Variants in PCDHA3 observed in about 807,000 individuals in gnomAD.
PCDHA3 encodes the protein protocadherin alpha 3.
Under a neutral mutation model 62.2 loss-of-function variants are expected in PCDHA3, and 41 were observed. That is an observed-to-expected ratio of 0.66 (90% CI 0.51 to 0.86). The LOEUF is 0.86. Among genes scored for constraint, PCDHA3 ranks in the 40% least tolerant of loss-of-function variants. The pLI is 0.00. For synonymous variants in PCDHA3, 640 were observed against 555.4 expected (o/e 1.15, Z -2.14); for missense variants, 1,304 against 1,241.2 (o/e 1.05, Z -0.76).
intron 3 of PCDHA3, among the ~76,000 whole-genome samples, chr5:141,006,194 A>G (rs1455369245): frequency 1.3e-5 from 2 of 149,246 alleles, no homozygotes; most frequent in African/African-American, 2.5e-5. Context: ...TGCTATATGT[A>G]TGTTATGCCT....
chr5:140,967,737 A>G, intron 1 of PCDHA3: 1 of 1,614,170 alleles, frequency 6.2e-7, no homozygotes, highest in Non-Finnish European at 8.5e-7. Flanking sequence ...GGGGGGCTGG[A>G]TTATGAGGAA....
chr5:140,877,914 A>AT (rs2057394520), intron 1 of PCDHA3: 3 of 1,426,804 alleles, frequency 2.1e-6, no homozygotes, highest in Non-Finnish European at 2.8e-6. Flanking sequence ...ACATTCTCTC[A>AT]TTTTTCTTTA....
intron 1 of PCDHA3, chr5:140,842,585 G>T: frequency 6.3e-7 from 1 of 1,596,296 alleles, no homozygotes; most frequent in East Asian, 2.2e-5. Flanking sequence ...GTCGGCCTAT[G>T]AGTTGGTGGT....
chr5:140,949,550 G>A (rs1195934854), intron 1 of PCDHA3, among the ~76,000 whole-genome samples: 11 of 151,608 alleles, frequency 7.3e-5, no homozygotes, highest in Admixed American at 7.2e-4. Flanking sequence ...TTTGTTGCTG[G>A]TCATACTTTT....
Position 141,010,254 on chromosome 5 carries a change from C to T in PCDHA3, c.*317C>T. Reference sequence around the variant, plus strand: ...GCCAGTGAGAGGTTGGACTCTCTGCCCTGTGCTCCGGGGATCCTGTCTTGA... The same window carrying T: ...GCCAGTGAGAGGTTGGACTCTCTGCTCTGTGCTCCGGGGATCCTGTCTTGA... On this transcript the variant is annotated 3_prime_UTR_variant, in exon 4 of 4. Transcript: ENST00000522353. The T allele has an allele frequency of 6.4e-7, 1 of 1,551,810 alleles. No individual in the cohort carries two copies. Among genetic ancestry groups the T allele is most frequent in the Non-Finnish European group, 8.7e-7 (1 of 1,147,018 alleles).
In PCDHA3 at chr5:140,839,005, A is replaced by G. The variant is rs182308106; in HGVS notation, c.2394+35414A>G. On this transcript the variant is annotated intron_variant, in intron 1 of 3. Transcript: ENST00000522353. ...TGTTCCTAATATTCTAATATACTTT[A>G]GTAAATTATTTTAGGATATGTTACT... Among the ~76,000 whole-genome samples, 398 of 152,230 alleles carry G rather than the reference A, an allele frequency of 2.6e-3. 4 individuals are homozygous for G. The highest frequency in any genetic ancestry group is 9.1e-3 in the African/African-American group (377 of 41,530).
At chr5:140,914,038 T>C (rs949307049) in intron 1 of PCDHA3, among the ~76,000 whole-genome samples, 14 of 152,206 alleles carry the variant, frequency 9.2e-5, no homozygotes, top group Non-Finnish European at 1.3e-4. Context: ...GAGAAGAATG[T>C]GTATTCTGCA....
In PCDHA3 at chr5:140,804,351, A is replaced by T. The variant is rs1477716467; in HGVS notation, c.2394+760A>T. 3.3e-5 allele frequency: 5 copies of T among 152,160 alleles called. No homozygotes were observed. The East Asian group carries it at 9.6e-4, about 29-fold the overall frequency. 9.4% of individuals were successfully genotyped at this position (152,160 alleles called of 1,614,324 possible). ...TAATACTACTGTATTATATGTTAAA[A>T]TTTATTACTAATAACTAAAATATCA... is the stretch of plus-strand genomic sequence containing the variant. On this transcript the variant is annotated intron_variant, in intron 1 of 3. Transcript: ENST00000522353.
intron 1 of PCDHA3, among the ~76,000 whole-genome samples, chr5:140,916,342 T>C (rs1365738177): frequency 2.0e-5 from 3 of 152,122 alleles, no homozygotes; most frequent in Admixed American, 6.5e-5. Context: ...TTCCTCTGTT[T>C]CTGTCAAACA....
At chr5:140,992,152 A>G (rs1440263664) in intron 3 of PCDHA3, among the ~76,000 whole-genome samples, 2 of 152,004 alleles carry the variant, frequency 1.3e-5, no homozygotes, top group Non-Finnish European at 2.9e-5. Context: ...ACTTTGCTCA[A>G]TCAAGAAGTG....
intron 3 of PCDHA3, among the ~76,000 whole-genome samples, chr5:140,991,446 A>G (rs782325342): frequency 6.6e-6 from 1 of 152,202 alleles, no homozygotes; most frequent in Non-Finnish European, 1.5e-5. Flanking sequence ...ATGGCTTAAA[A>G]CAACACAATG....
At chr5:140,986,946 G>A (rs544796668) in intron 3 of PCDHA3, among the ~76,000 whole-genome samples, 9 of 152,230 alleles carry the variant, frequency 5.9e-5, no homozygotes, top group South Asian at 2.1e-4. Context: ...GGGTGTGGTC[G>A]CTCATGCCTG....
chr5:140,832,466 T>TA (rs1319318585), intron 1 of PCDHA3, among the ~76,000 whole-genome samples: 6 of 152,186 alleles, frequency 3.9e-5, no homozygotes, highest in South Asian at 2.1e-4. Context: ...CACTAAAATT[T>TA]AAAAAAACTA....
chr5:140,808,363 C>A (rs1562215791), intron 1 of PCDHA3: 1 of 1,614,218 alleles, frequency 6.2e-7, no homozygotes, highest in Non-Finnish European at 8.5e-7. Flanking sequence ...TGACGTCCCA[C>A]GTCCCCTTCA....
intron 1 of PCDHA3, chr5:140,857,407 G>C (rs372428918): frequency 6.3e-7 from 1 of 1,598,496 alleles, no homozygotes; most frequent in Admixed American, 1.7e-5. Context: ...ACGCGCCTGC[G>C]TTCGCGCAGT....
At chr5:140,920,381 A>G (rs887594411) in intron 1 of PCDHA3, among the ~76,000 whole-genome samples, 1 of 152,164 alleles carries the variant, frequency 6.6e-6, no homozygotes, top group Non-Finnish European at 1.5e-5. Flanking sequence ...GTGGATTCAT[A>G]TTACCATCTG....
chr5:140,877,415 T>A (rs1554169714), intron 1 of PCDHA3: 3 of 1,613,882 alleles, frequency 1.9e-6, no homozygotes, highest in Non-Finnish European at 2.5e-6. Flanking sequence ...CACCGCCTGC[T>A]GGTGCTGGTG....
Position 140,856,765 on chromosome 5 carries a change from T to C in PCDHA3, c.2394+53174T>C, listed in dbSNP as rs1554149084. On this transcript the variant is annotated intron_variant, in intron 1 of 3. Transcript: ENST00000522353. ...TGTTAGATGCCAATGATAACGCCCCTATCTTTGACAGACCGGTTTATGAAG... is the reference window on the plus strand; with the variant it reads ...TGTTAGATGCCAATGATAACGCCCCCATCTTTGACAGACCGGTTTATGAAG... The C allele has an allele frequency of 2.5e-6, 4 of 1,596,946 alleles. No homozygotes were observed. In the South Asian group the frequency reaches 4.4e-5, roughly 18 times the overall value.
At chr5:140,953,527 A>T (rs531720224) in intron 1 of PCDHA3, among the ~76,000 whole-genome samples, 153 of 152,150 alleles carry the variant, frequency 1.0e-3, no homozygotes, top group African/African-American at 2.9e-3. Flanking sequence ...AAAACGGGAA[A>T]CTCACTTCAT....
Sources: gnomAD v4.1 joint callset for allele counts (sites outside exome capture counted in the v4.1 genomes callset) on GRCh38, gnomAD v4.1.1 for gene constraint, MANE v1.5 for transcripts, NCBI Gene and HGNC (gene_info 2026-07-23, HGNC 2026-07-21) for gene names.